Variants in LEPR observed in about 807,000 individuals in gnomAD.
LEPR encodes leptin receptor.
LEPR carries 56 observed loss-of-function variants against 114.7 expected under a neutral mutation model. That is an observed-to-expected ratio of 0.49 (90% CI 0.39 to 0.61). LEPR has a LOEUF of 0.61. Among genes scored for constraint, LEPR ranks in the 20% least tolerant of loss-of-function variants. The pLI, the probability that LEPR is intolerant of heterozygous loss-of-function variation, is 0.00. For missense variants in LEPR, 1,202 were observed against 1,352.9 expected (o/e 0.89, Z 1.75); for synonymous variants, 443 against 461.4 (o/e 0.96, Z 0.51).
At chr1:65,559,939 T>C (rs1653185617) in intron 2 of LEPR, among the ~76,000 whole-genome samples, 1 of 145,174 alleles carries the variant, frequency 6.9e-6, no homozygotes, top group Non-Finnish European at 1.5e-5. Flanking sequence ...TACCATGCTG[T>C]TTTGGTTACT....
chr1:65,609,830 G>C, intron 12 of LEPR, 117 bp from the exon 13 acceptor site: 1 of 1,389,398 alleles, frequency 7.2e-7, no homozygotes, highest in Non-Finnish European at 1.0e-6. Context: ...AGAGAACACA[G>C]AATCAGTTCT....
intron 19 of LEPR, chr1:65,634,198 T>G (rs1409326939): frequency 1.0e-6 from 1 of 979,188 alleles, no homozygotes; most frequent in Admixed American, 6.2e-5. Flanking sequence ...GAACTCAGTA[T>G]TCAAATTTAT....
In LEPR at chr1:65,637,096, A is replaced by G; in HGVS notation, c.*81A>G. 1 of 1,421,962 alleles carries G rather than the reference A, an allele frequency of 7.0e-7. No individual in the cohort carries two copies. The highest frequency in any genetic ancestry group is 9.7e-7 in the Non-Finnish European group (1 of 1,035,758). 88.1% of individuals were successfully genotyped at this position (1,421,962 alleles called of 1,614,324 possible). On this transcript the variant is annotated 3_prime_UTR_variant, in exon 20 of 20. Transcript: ENST00000349533. The stretch of plus-strand genomic sequence containing the variant: ...GATTATAGTTGTGGGTGGGAGAGAG[A>G]AAAGAAACCAGAGTCAAATTTGAAA...
At chr1:65,605,691 A>T (rs1656761023) in intron 11 of LEPR, among the ~76,000 whole-genome samples, 1 of 152,196 alleles carries the variant, frequency 6.6e-6, no homozygotes, top group Admixed American at 6.5e-5. Context: ...TAAAATAGCT[A>T]AATTGAAGTG....
chr1:65,524,153 G>A (rs1434605428), intron 2 of LEPR, among the ~76,000 whole-genome samples: 1 of 152,264 alleles, frequency 6.6e-6, no homozygotes, highest in East Asian at 1.9e-4. Context: ...TTAAGTTTGT[G>A]GTAATTTGTT....
intron 2 of LEPR, among the ~76,000 whole-genome samples, chr1:65,465,976 T>A (rs895385292): frequency 2.6e-5 from 4 of 152,250 alleles, no homozygotes; most frequent in African/African-American, 9.6e-5. Context: ...TGACTCTTTA[T>A]CCAATTTGCC....
intron 2 of LEPR, among the ~76,000 whole-genome samples, chr1:65,533,017 T>A (rs1029998707): frequency 1.3e-5 from 2 of 152,088 alleles, no homozygotes; most frequent in Non-Finnish European, 2.9e-5. Context: ...ACTGATATTT[T>A]AAAAAATACT....
intron 2 of LEPR, among the ~76,000 whole-genome samples, chr1:65,502,969 C>T (rs1648534292): frequency 7.0e-6 from 1 of 143,662 alleles, no homozygotes; most frequent in Non-Finnish European, 1.5e-5. Flanking sequence ...GGTGAGCAGG[C>T]AAAATGGGGG....
chr1:65,605,508 G>C (rs1269058377), intron 11 of LEPR, among the ~76,000 whole-genome samples: 1 of 152,082 alleles, frequency 6.6e-6, no homozygotes, highest in Admixed American at 6.6e-5. Context: ...ATGAATTTTA[G>C]TAGTGTTTTT....
chr1:65,539,487 A>G (rs191158951), intron 2 of LEPR, among the ~76,000 whole-genome samples: 2 of 152,190 alleles, frequency 1.3e-5, no homozygotes, highest in African/African-American at 4.8e-5. Context: ...GCTGCCATTT[A>G]TGCTAAAGGC....
At chr1:65,462,629 A>G (rs768904013) in intron 2 of LEPR, among the ~76,000 whole-genome samples, 44 of 152,228 alleles carry the variant, frequency 2.9e-4, no homozygotes, top group South Asian at 6.2e-4. Context: ...GTGTAAAAGC[A>G]TTCCTATTTC....
intron 2 of LEPR, among the ~76,000 whole-genome samples, chr1:65,531,315 G>A (rs147185843): frequency 1.1e-4 from 16 of 152,086 alleles, no homozygotes; most frequent in African/African-American, 3.1e-4. Context: ...TTAAGTCTTC[G>A]TTCAAATGTC....
rs1363093654 is a variant in LEPR, at chr1:65,601,432, G to T, written c.1035G>T (p.Gly345=). The T allele has an allele frequency of 1.2e-6, 2 of 1,613,404 alleles. No individual in the cohort carries two copies. The highest frequency in any genetic ancestry group is 1.1e-5 in the South Asian group (1 of 91,056). The change falls in exon 9 of 20, where the codon GGG becomes GGT. Residue 345 remains glycine, a synonymous_variant. Coordinates refer to ENST00000349533, the MANE Select transcript of LEPR (RefSeq NM_002303.6). ...YFPPKILTSV[G]SNVSFHCIYK... ...CACCTAAAATTCTGACAAGTGTTGG[G>T]TCTAATGTTTCTTTTCACTGCATCT... is the stretch of plus-strand genomic sequence containing the variant.
intron 2 of LEPR, among the ~76,000 whole-genome samples, chr1:65,451,886 A>G (rs34921810): frequency 0.42 from 62,352 of 149,722 alleles, 14,359 homozygotes; most frequent in Non-Finnish European, 0.53. Context: ...CCATTTTCAC[A>G]ATATTGATTC....
chr1:65,546,630 A>C (rs1369712426), intron 2 of LEPR, among the ~76,000 whole-genome samples: 3 of 152,158 alleles, frequency 2.0e-5, no homozygotes, highest in Non-Finnish European at 4.4e-5. Flanking sequence ...GGTGTATAAG[A>C]ATGCTTGCGA....
chr1:65,618,109 T>G lies in LEPR; in HGVS notation c.2358T>G (p.Leu786=). 1 of 1,610,536 alleles carries G rather than the reference T, an allele frequency of 6.2e-7. No homozygotes were observed. The highest frequency in any genetic ancestry group is 8.5e-7 in the Non-Finnish European group (1 of 1,178,494). ...ATGAAGATGGTGAAATAAAATGGCT[T>G]AGAATCTCTTCATCTGTTAAGAAGT... ...NLNEDGEIKW[L]RISSSVKKYY... The change falls in exon 16 of 20, where the codon CTT becomes CTG. Residue 786 remains leucine, a synonymous_variant. Coordinates refer to ENST00000349533, the MANE Select transcript of LEPR (RefSeq NM_002303.6).
intron 2 of LEPR, among the ~76,000 whole-genome samples, chr1:65,535,458 G>A (rs1650701525): frequency 6.6e-6 from 1 of 151,632 alleles, no homozygotes; most frequent in African/African-American, 2.4e-5. Context: ...CTCAGTCTCT[G>A]GGTTCAAGCT....
intron 2 of LEPR, among the ~76,000 whole-genome samples, chr1:65,463,611 G>C (rs1646973803): frequency 6.6e-6 from 1 of 152,102 alleles, no homozygotes; most frequent in East Asian, 1.9e-4. Context: ...AATTACCTTG[G>C]GCAGTATAGC....
At position 65,576,651 on chromosome 1, in the gene LEPR, C is replaced by T. The variant is rs150522520; in HGVS notation, c.494+4202C>T. The T allele has an allele frequency of 9.3e-4, 146 of 156,948 alleles. 7 individuals carry two copies. Among genetic ancestry groups the T allele is most frequent in the African/African-American group, 3.4e-3 (138 of 40,940 alleles). The allele number at this position is 156,948 out of a possible 1,614,324, so 9.7% of individuals were successfully genotyped here. A position where few individuals can be genotyped will look rare whatever the true frequency, so the allele number is the denominator to read the frequency against. On this transcript the variant is annotated intron_variant, in intron 5 of 19. Coordinates refer to ENST00000349533, the MANE Select transcript of LEPR (RefSeq NM_002303.6). ...CTAACTTCTTTCTCAATTCAACATG[C>T]TCACTGATGGTTCCAAAGCTTTTCC...
Sources: allele counts gnomAD v4.1 joint callset (sites outside exome capture counted in the v4.1 genomes callset), GRCh38; gene constraint gnomAD v4.1.1; transcripts MANE v1.5; gene names NCBI Gene and HGNC (gene_info 2026-07-23, HGNC 2026-07-21).